The following ITGAM variants were observed in gnomAD, a reference collection of about 807,000 sequenced individuals.
ITGAM encodes integrin subunit alpha M.
Under a neutral mutation model 137.5 loss-of-function variants are expected in ITGAM, and 79 were observed. The observed-to-expected ratio is 0.57, with a 90% CI of 0.48 to 0.69. The LOEUF is 0.69. Ranked by LOEUF, ITGAM falls within the 30% of genes least tolerant of loss-of-function variation. The probability of loss-of-function intolerance (pLI) is 0.00; values close to 1 mark genes in which losing one functional copy is unlikely to be tolerated. For missense variants in ITGAM, 1,343 were observed against 1,483.5 expected (o/e 0.91, Z 1.56); for synonymous variants, 583 against 592.3 (o/e 0.98, Z 0.23).
At chr16:31,263,544 C>A in intron 2 of ITGAM, among the ~76,000 whole-genome samples, 1 of 152,004 alleles carries the variant, frequency 6.6e-6, no homozygotes, top group African/African-American at 2.4e-5. Context: ...ACTTACTGAT[C>A]TCTGCAGATC....
In ITGAM at chr16:31,331,663, G is replaced by A. The variant is rs200496475; in HGVS notation, c.3415G>A (p.Asp1139Asn). ...KLGFFKRQYK[D>N]MMSEGGPPGA... ...CGGCTTCTTCAAGCGGCAATACAAG[G>A]ACATGATGAGTGAAGGGGGTCCCCC... Residue 1139 changes from aspartate (D) to asparagine (N), a missense_variant, in exon 30 of 30, where the codon GAC (aspartate) becomes AAC (asparagine). By Grantham distance (23) the Asp-to-Asn change is conservative (BLOSUM62 1). Transcript: ENST00000544665. 45 of 1,610,466 alleles carry A rather than the reference G, an allele frequency of 2.8e-5. No individual in the cohort carries two copies. The Admixed American group carries it at 4.5e-4, about 16-fold the overall frequency.
chr16:31,272,834 G>A (rs867656751), intron 7 of ITGAM, among the ~76,000 whole-genome samples: 2 of 151,680 alleles, frequency 1.3e-5, no homozygotes, highest in Non-Finnish European at 1.5e-5. Flanking sequence ...CAAATTATGC[G>A]AAAGTATAAA....
In ITGAM at chr16:31,325,275, C is replaced by G. The variant is rs774784043; in HGVS notation, c.2376C>G (p.Leu792=). 6.2e-7 allele frequency: 1 copy of G among 1,612,236 alleles called. No homozygotes were observed. Among genetic ancestry groups the G allele is most frequent in the South Asian group, 1.1e-5 (1 of 90,832 alleles). ...ITFSFMSLDC[L]VVGGPREFNV... is the part of the protein sequence containing the mutation. ...CTTCTTCCCACAGCCTGGACTGCCT[C>G]GTGGTGGGTGGGCCCCGGGAGTTCA... Residue 792 remains leucine, a synonymous_variant, in exon 20 of 30, where the codon CTC becomes CTG. Coordinates refer to ENST00000544665, the MANE Select transcript of ITGAM (RefSeq NM_000632.4).
At position 31,295,166 on chromosome 16, in the gene ITGAM, G is replaced by A. The variant is rs1167063620; in HGVS notation, c.1357-2348G>A. Among the ~76,000 whole-genome samples the A allele has an allele frequency of 2.6e-5, 4 of 152,046 alleles. No individual in the cohort carries two copies. The East Asian group carries it at 5.8e-4, about 22-fold the overall frequency. On this transcript the variant is annotated intron_variant, in intron 12 of 29. Coordinates refer to ENST00000544665, the MANE Select transcript of ITGAM (RefSeq NM_000632.4). Reference sequence around the variant, plus strand: ...ATGTTTTGAGATCAGGAATTATGATGCCTCCAGTATTTTTTTTCTTGAGGA... The same window carrying A: ...ATGTTTTGAGATCAGGAATTATGATACCTCCAGTATTTTTTTTCTTGAGGA...
In ITGAM at chr16:31,299,927, C is replaced by T. The variant is rs146594735; in HGVS notation, c.1707+1973C>T. On this transcript the variant is annotated intron_variant, in intron 14 of 29. Transcript: ENST00000544665. ...AGGCTGGAGTGCAGTGGTGCAAACA[C>T]GGCTCCTGGAAGCCTCAACCTCCTG... Among the ~76,000 whole-genome samples, 8 of 151,676 alleles carry T rather than the reference C, an allele frequency of 5.3e-5. No individual in the cohort carries two copies. The East Asian group carries it at 5.9e-4, about 11-fold the overall frequency.
rs1257814276 is a variant in ITGAM, at chr16:31,321,501, T to C, written c.1876T>C (p.Phe626Leu). The change falls in exon 16 of 30, where the codon TTC becomes CTC. Residue 626 changes from phenylalanine (F) to leucine (L), a missense_variant. Phe to Leu is a conservative substitution (Grantham distance 22). Coordinates refer to ENST00000544665, the MANE Select transcript of ITGAM (RefSeq NM_000632.4). ...ACTGAGAGTCAAGGCAATCATGGAG[T>C]TCAATCCCAGGGAAGTGGCAAGGAA... ...PVLRVKAIME[F>L]NPREVARNVF... is the part of the protein sequence containing the mutation. 6.2e-7 allele frequency: 1 copy of C among 1,613,808 alleles called. No individual in the cohort carries two copies. Among genetic ancestry groups the C allele is most frequent in the African/African-American group, 1.3e-5 (1 of 74,958 alleles).
At position 31,330,484 on chromosome 16, in the gene ITGAM, C is replaced by A. The variant is rs367902858; in HGVS notation, c.3175-20C>A. ...GGTGCTCAGGGCCCAGGTGCAGTGC[C>A]CACCCGCTCTCTTCCACAGACCTCG... On this transcript the variant is annotated intron_variant, in intron 27 of 29. Coordinates refer to ENST00000544665, the MANE Select transcript of ITGAM (RefSeq NM_000632.4). 1.6e-5 allele frequency: 26 copies of A among 1,612,978 alleles called. No individual in the cohort carries two copies. The highest frequency in any genetic ancestry group is 1.2e-4 in the Admixed American group (7 of 60,000).
intron 14 of ITGAM, among the ~76,000 whole-genome samples, chr16:31,298,204 C>CAAAAAAAAAAA: frequency 1.3e-5 from 1 of 77,820 alleles, no homozygotes; most frequent in South Asian, 4.8e-4. Context: ...CCCATCTCTC[C>CAAAAAAAAAAA]AAAAAAAAAA....
chr16:31,287,896 G>A (rs1027051742), intron 12 of ITGAM, among the ~76,000 whole-genome samples: 10 of 152,162 alleles, frequency 6.6e-5, no homozygotes, highest in African/African-American at 1.7e-4. Flanking sequence ...TCTGTTTTCG[G>A]TGTGTGGTCA....
Position 31,268,756 on chromosome 16 carries a change from C to T in ITGAM, c.428-2198C>T, listed in dbSNP as rs142918849. Among the ~76,000 whole-genome samples the T allele has an allele frequency of 1.2e-3, 176 of 152,316 alleles. 2 individuals carry two copies. Among genetic ancestry groups the T allele is most frequent in the African/African-American group, 3.9e-3 (160 of 41,556 alleles). On this transcript the variant is annotated intron_variant, in intron 5 of 29. Transcript: ENST00000544665. ...CTTGATGCCACCGCTGTGTCTCCAT[C>T]GCCGTCACATACGTTTGTCCCTGTA...
chr16:31,290,893 G>T (rs2080080644), intron 12 of ITGAM, among the ~76,000 whole-genome samples: 1 of 152,028 alleles, frequency 6.6e-6, no homozygotes, highest in African/African-American at 2.4e-5. Context: ...GGATATAGGA[G>T]CAATGTATAA....
At chr16:31,261,987 T>C (rs1393568913) in intron 2 of ITGAM, among the ~76,000 whole-genome samples, 190 bp downstream of exon 2, 2 of 152,180 alleles carry the variant, frequency 1.3e-5, no homozygotes, top group Non-Finnish European at 2.9e-5. Context: ...TAAAAATCTC[T>C]TCCTTACTCC....
At chr16:31,302,388 CTTTTT>C in intron 14 of ITGAM, among the ~76,000 whole-genome samples, 1 of 149,022 alleles carries the variant, frequency 6.7e-6, no homozygotes, top group African/African-American at 2.5e-5. Flanking sequence ...CTTTTCTTTT[CTTTTT>C]TCTTTTCTTT....
intron 14 of ITGAM, among the ~76,000 whole-genome samples, chr16:31,320,902 G>A (rs1254371217): frequency 1.3e-5 from 2 of 152,158 alleles, no homozygotes; most frequent in East Asian, 1.9e-4. Context: ...GGTTGGGCGT[G>A]GCGGCTCACA....
chr16:31,282,769 A>G (rs1261746120), intron 12 of ITGAM, among the ~76,000 whole-genome samples: 1 of 152,170 alleles, frequency 6.6e-6, no homozygotes, highest in African/African-American at 2.4e-5. Flanking sequence ...TTATGATGTT[A>G]GCTGGTTATT....
chr16:31,310,091 T>C (rs1474703097), intron 14 of ITGAM, among the ~76,000 whole-genome samples: 1 of 151,004 alleles, frequency 6.6e-6, no homozygotes, highest in African/African-American at 2.4e-5. Context: ...CTTCCCTTTG[T>C]GGGTAACCCA....
chr16:31,289,995 C>T (rs1483470667), intron 12 of ITGAM, among the ~76,000 whole-genome samples: 7 of 149,166 alleles, frequency 4.7e-5, no homozygotes, highest in South Asian at 2.1e-4. Context: ...GCAGGAGAAT[C>T]GCTTGAATCT....
intron 12 of ITGAM, among the ~76,000 whole-genome samples, chr16:31,291,320 G>A (rs1017808632): frequency 6.6e-6 from 1 of 152,132 alleles, no homozygotes; most frequent in South Asian, 2.1e-4. Flanking sequence ...TATCTCTTCA[G>A]TATACTGATT....
chr16:31,304,761 T>A (rs1352224533), intron 14 of ITGAM, among the ~76,000 whole-genome samples: 1 of 152,150 alleles, frequency 6.6e-6, no homozygotes, highest in African/African-American at 2.4e-5. Context: ...AAAAGATCAG[T>A]TGGCTGTAAG....
Sources: gnomAD v4.1 joint callset for allele counts (sites outside exome capture counted in the v4.1 genomes callset) on GRCh38, gnomAD v4.1.1 for gene constraint, MANE v1.5 for transcripts, NCBI Gene and HGNC (gene_info 2026-07-23, HGNC 2026-07-21) for gene names.